INSR: variants seen among roughly 807,000 people sequenced by gnomAD.
INSR encodes IR.
Under a neutral mutation model 142.6 loss-of-function variants are expected in INSR, and 67 were observed. The ratio of observed to expected loss-of-function variants is 0.47; its 90% CI spans 0.39 to 0.58. The LOEUF is 0.58. INSR is among the 20% of genes least tolerant of loss of function. INSR has a pLI of 0.00. For synonymous variants in INSR, 756 were observed against 743.1 expected (o/e 1.02, Z -0.28); for missense variants, 1,248 against 1,833.2 (o/e 0.68, Z 5.83).
At chr19:7,284,911 C>T (rs996225098) in intron 1 of INSR, among the ~76,000 whole-genome samples, 1 of 152,188 alleles carries the variant, frequency 6.6e-6, no homozygotes, top group Non-Finnish European at 1.5e-5. Context: ...TCTTACTTGA[C>T]CTCACATTTG....
intron 6 of INSR, 100 bp downstream of exon 6, chr19:7,170,437 A>G (rs1477086702): frequency 2.4e-6 from 2 of 840,812 alleles, no homozygotes; most frequent in Non-Finnish European, 4.1e-6. Context: ...ATGCACTTGA[A>G]TCATGCTGAA....
chr19:7,237,449 G>A (rs961671135), intron 2 of INSR, among the ~76,000 whole-genome samples: 8 of 151,732 alleles, frequency 5.3e-5, no homozygotes, highest in African/African-American at 1.9e-4. Flanking sequence ...CCGGGGAGGT[G>A]GAGGTTGCAG....
chr19:7,234,233 G>T (rs1012064312), intron 2 of INSR, among the ~76,000 whole-genome samples: 1 of 151,872 alleles, frequency 6.6e-6, no homozygotes, highest in Non-Finnish European at 1.5e-5. Context: ...TGGAAATGGG[G>T]TCTTTCTTTG....
chr19:7,275,730 T>C (rs531919386), intron 1 of INSR, among the ~76,000 whole-genome samples: 2 of 149,806 alleles, frequency 1.3e-5, no homozygotes, highest in African/African-American at 4.9e-5. Flanking sequence ...GAGGTTGCAG[T>C]GAGCCGAGAT....
At chr19:7,247,264 C>T (rs1171850345) in intron 2 of INSR, among the ~76,000 whole-genome samples, 1 of 152,208 alleles carries the variant, frequency 6.6e-6, no homozygotes. Flanking sequence ...CAAACCCACA[C>T]CCATTTTACT....
At chr19:7,135,699 G>A (rs1349390730) in intron 13 of INSR, among the ~76,000 whole-genome samples, 2 of 151,932 alleles carry the variant, frequency 1.3e-5, no homozygotes, top group Admixed American at 1.3e-4. Context: ...AGCTGGGCAC[G>A]GTGGTTCACG....
intron 2 of INSR, among the ~76,000 whole-genome samples, chr19:7,234,048 A>G (rs1171693921): frequency 6.6e-6 from 1 of 151,884 alleles, no homozygotes; most frequent in East Asian, 1.9e-4. Context: ...CTGGGACCAC[A>G]GGCGCGCTAT....
At chr19:7,148,677 C>T (rs1216487535) in intron 11 of INSR, among the ~76,000 whole-genome samples, 1 of 149,554 alleles carries the variant, frequency 6.7e-6, no homozygotes, top group Non-Finnish European at 1.5e-5. Flanking sequence ...GGGGTTTCAC[C>T]ATCTTGGTCA....
At chr19:7,177,526 TTTTG>T (rs1194357303) in intron 3 of INSR, among the ~76,000 whole-genome samples, 1 of 151,314 alleles carries the variant, frequency 6.6e-6, no homozygotes, top group Non-Finnish European at 1.5e-5. Context: ...TTTGTTTTGT[TTTTG>T]TTTTTGTTTT....
intron 1 of INSR, among the ~76,000 whole-genome samples, chr19:7,284,056 G>C (rs1451159655): frequency 6.6e-6 from 1 of 151,104 alleles, no homozygotes. Context: ...TGGTTTTGGA[G>C]TTTTTTTGTT....
Position 7,172,379 on chromosome 19 carries a change from C to T in INSR, c.1179G>A (p.Gly393=), listed in dbSNP as rs140573575. The T allele has an allele frequency of 4.5e-5, 72 of 1,614,076 alleles. 1 individual carries two copies. In the African/African-American group the frequency reaches 9.2e-4, roughly 21 times the overall value. Reference sequence around the variant, plus strand: ...CGTAGGATCGGCGGATTTTTAGATACCCTGAAATTTCTTCAATGAGGCCGA... The same window carrying T: ...CGTAGGATCGGCGGATTTTTAGATATCCTGAAATTTCTTCAATGAGGCCGA... The part of the protein sequence containing the change: ...ANLGLIEEIS[G]YLKIRRSYAL... Residue 393 remains glycine (G), a synonymous_variant, in exon 5 of 22, where the codon GGG becomes GGA. Transcript: ENST00000302850.
At position 7,117,176 on chromosome 19, in the gene INSR, C is replaced by G; in HGVS notation, c.4029G>C (p.Arg1343=). 1.2e-6 allele frequency: 2 copies of G among 1,614,098 alleles called. No homozygotes were observed. The highest frequency in any genetic ancestry group is 1.1e-5 in the South Asian group (1 of 91,074). The change falls in exon 22 of 22, where the codon CGG becomes CGC. Residue 1343 remains arginine (R), a synonymous_variant. Transcript: ENST00000302850. ...SHCQREEAGG[R]DGGSSLGFKR... ...TGAAACCCAGCGAGGACCCTCCATC[C>G]CGGCCCCCCGCCTCCTCCCTCTGAC...
At chr19:7,269,051 C>A (rs887134869) in intron 1 of INSR, among the ~76,000 whole-genome samples, 5 of 151,658 alleles carry the variant, frequency 3.3e-5, no homozygotes, top group Admixed American at 2.0e-4. Flanking sequence ...CACACACACA[C>A]ACACACACAC....
rs73490747 is a variant in INSR at position 7,228,781 on chromosome 19, C to T, written c.652+38564G>A. Among the ~76,000 whole-genome samples, 481 of 152,278 alleles carry T rather than the reference C, an allele frequency of 3.2e-3. 1 individual carries two copies. Among genetic ancestry groups the T allele is most frequent in the African/African-American group, 0.011 (460 of 41,558 alleles). On this transcript the variant is annotated intron_variant, in intron 2 of 21. Coordinates refer to ENST00000302850, the MANE Select transcript of INSR (RefSeq NM_000208.4). ...ACTTTTAATACTTCAAAACATCTCC[C>T]TTATATTAGATGATAGACACACGGA...
intron 2 of INSR, among the ~76,000 whole-genome samples, chr19:7,234,548 G>A (rs1976096971): frequency 6.6e-6 from 1 of 152,102 alleles, no homozygotes; most frequent in Non-Finnish European, 1.5e-5. Flanking sequence ...TGTAGGTTAT[G>A]TACAAACACT....
chr19:7,245,542 A>G (rs939055942), intron 2 of INSR, among the ~76,000 whole-genome samples: 3 of 151,892 alleles, frequency 2.0e-5, no homozygotes, highest in Admixed American at 2.0e-4. Flanking sequence ...TCCACCTCCC[A>G]AGTTCAAGCA....
Position 7,168,215 on chromosome 19 carries a change from T to A in INSR, c.1484-121A>T, listed in dbSNP as rs1174161074. 4 of 993,352 alleles carry A rather than the reference T, an allele frequency of 4.0e-6. No homozygotes were observed. Among genetic ancestry groups the A allele is most frequent in the Non-Finnish European group, 6.2e-6 (4 of 642,246 alleles). The allele number at this position is 993,352 out of a possible 1,614,324, so 61.5% of individuals were successfully genotyped here. ...AGGCAGAGGTGACGCTGCTATTCCC[T>A]TAAGGGTCTCCTCCCCATGTGCCTG... On this transcript the variant is annotated intron_variant, in intron 6 of 21. Coordinates refer to ENST00000302850, the MANE Select transcript of INSR (RefSeq NM_000208.4). The surrounding 1 kb of genome is among the most constrained non-coding windows in gnomAD (Gnocchi z 4.3).
rs888086086 is a variant in INSR at position 7,267,994 on chromosome 19, C to G, written c.101-98G>C. On this transcript the variant is annotated intron_variant, in intron 1 of 21. Coordinates refer to ENST00000302850, the MANE Select transcript of INSR (RefSeq NM_000208.4). The surrounding 1 kb of genome is among the most constrained non-coding windows in gnomAD (Gnocchi z 6.3). ...CAGAGCCGGCTTCATGGACAGGAAA[C>G]CTGGGCCCTGTGTTTTCATCCCGGG... 19 of 1,040,868 alleles carry G rather than the reference C, an allele frequency of 1.8e-5. No individual in the cohort carries two copies. The highest frequency in any genetic ancestry group is 2.6e-5 in the Non-Finnish European group (18 of 685,082). The allele number at this position is 1,040,868 out of a possible 1,614,324, so 64.5% of individuals were successfully genotyped here.
At chr19:7,160,248 G>A (rs1973712668) in intron 9 of INSR, among the ~76,000 whole-genome samples, 2 of 152,036 alleles carry the variant, frequency 1.3e-5, no homozygotes, top group South Asian at 2.1e-4. Flanking sequence ...TCCACCTCCC[G>A]GGTTCAAGCG....
Sources: allele counts gnomAD v4.1 joint callset (sites outside exome capture counted in the v4.1 genomes callset), GRCh38; gene constraint gnomAD v4.1.1; non-coding constraint Gnocchi (gnomAD v3.1); transcripts MANE v1.5; gene names NCBI Gene and HGNC (gene_info 2026-07-23, HGNC 2026-07-21).